PDE4B: variants seen among roughly 807,000 people sequenced by gnomAD.
PDE4B encodes phosphodiesterase 4B.
Under a neutral mutation model 82.2 loss-of-function variants are expected in PDE4B, and 20 were observed. The observed-to-expected ratio is 0.24, with a 90% confidence interval of 0.17 to 0.35. The LOEUF (loss-of-function observed/expected upper bound fraction) is 0.35, where lower values mean the gene tolerates loss of function less well. Among genes scored for constraint, PDE4B ranks in the 10% least tolerant of loss-of-function variants. The probability of loss-of-function intolerance (pLI) is 1.00; values close to 1 mark genes in which losing one functional copy is unlikely to be tolerated. For missense variants in PDE4B, 655 were observed against 907.2 expected, an observed-to-expected ratio of 0.72 and a Z score of 3.57; for synonymous variants, 320 against 318.9, an observed-to-expected ratio of 1.00 and a Z score of -0.04.
At chr1:66,098,165 A>G (rs562996370) in intron 3 of PDE4B, among the ~76,000 whole-genome samples, 1 of 152,254 alleles carries the variant, frequency 6.6e-6, no homozygotes, top group South Asian at 2.1e-4. Context: ...ACACAATTGC[A>G]TATCAATCTT....
intron 8 of PDE4B, among the ~76,000 whole-genome samples, chr1:66,335,277 G>A (rs17128807): frequency 4.3e-4 from 65 of 152,308 alleles, no homozygotes; most frequent in African/African-American, 1.5e-3. Flanking sequence ...TTTCAGCTAC[G>A]TGGCCACTAA....
Position 65,873,515 on chromosome 1 carries a change from A to C in PDE4B, c.-70-39730A>C, listed in dbSNP as rs1646599016. Among the ~76,000 whole-genome samples the C allele has an allele frequency of 2.0e-5, 3 of 152,344 alleles. No homozygotes were observed. The South Asian group carries it at 6.2e-4, about 32-fold the overall frequency. ...GACAAGAGCCAGTTTTTTAAGGACCAGTTGGTTTAAAGCTTTTATCTTCTA... is the reference window on the plus strand; with the variant it reads ...GACAAGAGCCAGTTTTTTAAGGACCCGTTGGTTTAAAGCTTTTATCTTCTA... On this transcript the variant is annotated intron_variant, in intron 1 of 16. Transcript: ENST00000341517.
chr1:65,881,573 C>G (rs1041629877), intron 1 of PDE4B, among the ~76,000 whole-genome samples: 4 of 152,188 alleles, frequency 2.6e-5, no homozygotes, highest in Non-Finnish European at 4.4e-5. Context: ...TCTTTAAAAG[C>G]ACGTGTGCTG....
intron 13 of PDE4B, among the ~76,000 whole-genome samples, chr1:66,366,155 G>T (rs1663232343): frequency 6.6e-6 from 1 of 151,944 alleles, no homozygotes; most frequent in African/African-American, 2.4e-5. Flanking sequence ...TATCTGCTTG[G>T]GAAGCAGCCA....
intron 3 of PDE4B, among the ~76,000 whole-genome samples, chr1:65,944,035 G>C (rs990650305): frequency 6.6e-6 from 1 of 152,016 alleles, no homozygotes; most frequent in Non-Finnish European, 1.5e-5. Context: ...TTGAATAGAA[G>C]TGGTGAGAGT....
chr1:65,871,226 G>A (rs1646569636), intron 1 of PDE4B, among the ~76,000 whole-genome samples: 1 of 152,164 alleles, frequency 6.6e-6, no homozygotes, highest in South Asian at 2.1e-4. Flanking sequence ...ATCTCTTCAT[G>A]ACTAAGGTCA....
chr1:65,806,155 C>T (rs1429043626), intron 1 of PDE4B, among the ~76,000 whole-genome samples: 1 of 152,124 alleles, frequency 6.6e-6, no homozygotes, highest in Non-Finnish European at 1.5e-5. Context: ...GTGTAAAAAA[C>T]ATTCTATTGA....
chr1:65,908,194 T>C lies in PDE4B; in HGVS notation c.-70-5051T>C, dbSNP rs182000317. Among the ~76,000 whole-genome samples, 94 of 152,290 alleles carry C rather than the reference T, an allele frequency of 6.2e-4. 1 individual carries two copies. Among genetic ancestry groups the C allele is most frequent in the African/African-American group, 2.2e-3 (91 of 41,578 alleles). On this transcript the variant is annotated intron_variant, in intron 1 of 16. Coordinates refer to ENST00000341517, the MANE Select transcript of PDE4B (RefSeq NM_002600.4). ...AAAAGGATTTAATACAAGCAATTTG[T>C]CAATTCTCCTGGAAGAATAAAGAGG... is the stretch of plus-strand genomic sequence containing the variant.
chr1:66,313,581 G>A (rs190109153), intron 7 of PDE4B, among the ~76,000 whole-genome samples: 13 of 152,288 alleles, frequency 8.5e-5, no homozygotes, highest in Admixed American at 7.2e-4. Flanking sequence ...ATTTGGCCTG[G>A]TTCCTTACAG....
chr1:66,082,721 A>G (rs1656807853), intron 3 of PDE4B, among the ~76,000 whole-genome samples: 1 of 152,002 alleles, frequency 6.6e-6, no homozygotes, highest in African/African-American at 2.4e-5. Flanking sequence ...GTAGTCATTA[A>G]TAATATATAT....
intron 3 of PDE4B, among the ~76,000 whole-genome samples, chr1:66,202,624 T>A (rs1321964243): frequency 1.3e-5 from 2 of 152,030 alleles, no homozygotes; most frequent in African/African-American, 2.4e-5. Context: ...TCTCTTTTGA[T>A]CTTTGTTGGT....
intron 1 of PDE4B, among the ~76,000 whole-genome samples, chr1:65,843,993 A>C (rs1646239401): frequency 6.6e-6 from 1 of 152,172 alleles, no homozygotes; most frequent in African/African-American, 2.4e-5. Flanking sequence ...GATTGTTTTT[A>C]AAGTTTCAGG....
intron 3 of PDE4B, among the ~76,000 whole-genome samples, chr1:66,150,105 GATCTCTATGT>G (rs1646361343): frequency 6.6e-6 from 1 of 152,052 alleles, no homozygotes; most frequent in Non-Finnish European, 1.5e-5. Flanking sequence ...CCATTCCATT[GATCTCTATGT>G]ATATCCTTAT....
intron 3 of PDE4B, among the ~76,000 whole-genome samples, chr1:66,019,703 G>A (rs975942619): frequency 3.3e-5 from 5 of 151,938 alleles, no homozygotes; most frequent in African/African-American, 9.7e-5. Context: ...ATTTCACACC[G>A]GTATTCCATA....
intron 3 of PDE4B, among the ~76,000 whole-genome samples, chr1:66,103,797 AC>A (rs1299902390): frequency 1.3e-5 from 2 of 152,140 alleles, no homozygotes; most frequent in African/African-American, 4.8e-5. Flanking sequence ...ACTTTTCATT[AC>A]AAAAATCTTT....
intron 3 of PDE4B, among the ~76,000 whole-genome samples, chr1:66,075,575 C>G (rs1330001752): frequency 1.3e-5 from 2 of 151,966 alleles, no homozygotes; most frequent in Non-Finnish European, 2.9e-5. Context: ...ATAATACTGA[C>G]CAAAATTATA....
At chr1:65,931,118 T>A (rs890327123) in intron 3 of PDE4B, among the ~76,000 whole-genome samples, 1 of 152,142 alleles carries the variant, frequency 6.6e-6, no homozygotes, top group African/African-American at 2.4e-5. Context: ...TAGAAATGTG[T>A]AGCACCTCTC....
intron 7 of PDE4B, among the ~76,000 whole-genome samples, chr1:66,286,602 C>A (rs1033942599): frequency 6.6e-6 from 1 of 152,096 alleles, no homozygotes; most frequent in East Asian, 1.9e-4. Context: ...TTTCCTAGGA[C>A]CAAGGCCCTG....
At chr1:66,229,074 A>C (rs113087118) in intron 3 of PDE4B, among the ~76,000 whole-genome samples, 32,444 of 151,500 alleles carry the variant, frequency 0.21, 6,918 homozygotes, top group African/African-American at 0.54. Context: ...GTGGCTCGAT[A>C]TTGGCTCACT....
Sources: gnomAD v4.1 joint callset for allele counts (sites outside exome capture counted in the v4.1 genomes callset) on GRCh38, gnomAD v4.1.1 for gene constraint, MANE v1.5 for transcripts, NCBI Gene and HGNC (gene_info 2026-07-23, HGNC 2026-07-21) for gene names.